Variants in CNTNAP2 observed in about 807,000 individuals in gnomAD.
The protein encoded by CNTNAP2 is contactin-associated protein-like 2.
In CNTNAP2, 98 loss-of-function variants were observed where a neutral mutation model predicts 155.2. That is an observed-to-expected ratio of 0.63 (90% confidence interval 0.54 to 0.75). The LOEUF is 0.75. Ranked by LOEUF, CNTNAP2 falls within the 30% of genes least tolerant of loss-of-function variation. The probability of loss-of-function intolerance (pLI) is 0.00; values close to 1 mark genes in which losing one functional copy is unlikely to be tolerated. For missense variants in CNTNAP2, 1,727 were observed against 1,688.1 expected, an observed-to-expected ratio of 1.02 and a Z score of -0.40; for synonymous variants, 651 against 631.2, an observed-to-expected ratio of 1.03 and a Z score of -0.47.
At chr7:147,046,210 C>T (rs573004268) in intron 4 of CNTNAP2, among the ~76,000 whole-genome samples, 1 of 152,134 alleles carries the variant, frequency 6.6e-6, no homozygotes, top group Non-Finnish European at 1.5e-5. Flanking sequence ...ACCTGACCGT[C>T]CACAGTTTAA....
intron 11 of CNTNAP2, among the ~76,000 whole-genome samples, chr7:147,556,114 A>G (rs1391141981): frequency 6.6e-6 from 1 of 152,156 alleles, no homozygotes; most frequent in Non-Finnish European, 1.5e-5. Flanking sequence ...TTCGTATTCT[A>G]CTGGTAGACA....
At chr7:147,676,220 TTTC>T (rs1157377618) in intron 13 of CNTNAP2, among the ~76,000 whole-genome samples, 1 of 152,022 alleles carries the variant, frequency 6.6e-6, no homozygotes, top group Non-Finnish European at 1.5e-5. Flanking sequence ...TGAAGAATGT[TTTC>T]TTATGGAATT....
intron 13 of CNTNAP2, among the ~76,000 whole-genome samples, chr7:147,841,412 A>C (rs923509409): frequency 1.3e-5 from 2 of 152,172 alleles, no homozygotes; most frequent in Non-Finnish European, 2.9e-5. Context: ...ATAAAATGTC[A>C]TGAGCACCTC....
chr7:146,413,358 G>T (rs780688598), intron 1 of CNTNAP2, among the ~76,000 whole-genome samples: 2 of 152,108 alleles, frequency 1.3e-5, no homozygotes, highest in South Asian at 4.1e-4. Context: ...GTGCTCTTCT[G>T]CAAGTCCCAA....
At chr7:148,184,778 T>G (rs1344214311) in intron 18 of CNTNAP2, among the ~76,000 whole-genome samples, 1 of 152,208 alleles carries the variant, frequency 6.6e-6, no homozygotes, top group African/African-American at 2.4e-5. Context: ...AATTTCAACA[T>G]TATTAAAAAC....
intron 3 of CNTNAP2, among the ~76,000 whole-genome samples, chr7:147,033,100 GTATT>G (rs1306175404): frequency 1.4e-5 from 2 of 142,806 alleles, no homozygotes; most frequent in African/African-American, 2.6e-5. Context: ...AAGACAAGAT[GTATT>G]TATTTGGGTA....
chr7:146,821,669 A>G lies in CNTNAP2; in HGVS notation c.209-18042A>G, dbSNP rs575963761. Among the ~76,000 whole-genome samples, 11 of 152,306 alleles carry G rather than the reference A, an allele frequency of 7.2e-5. No homozygotes were observed. The South Asian group carries it at 1.9e-3, about 26-fold the overall frequency. ...ATCAAAAAGTGGGCGAAGGATGTGAACAGACACTTCTCAAAAGAAGACATT... is the reference window on the plus strand; with the variant it reads ...ATCAAAAAGTGGGCGAAGGATGTGAGCAGACACTTCTCAAAAGAAGACATT... On this transcript the variant is annotated intron_variant, in intron 2 of 23. Coordinates refer to ENST00000361727, the MANE Select transcript of CNTNAP2 (RefSeq NM_014141.6).
intron 21 of CNTNAP2, among the ~76,000 whole-genome samples, chr7:148,272,689 G>A (rs578212999): frequency 6.6e-6 from 1 of 152,264 alleles, no homozygotes; most frequent in East Asian, 1.9e-4. Context: ...GAGACCCCCA[G>A]CATCATGAAA....
At chr7:147,163,037 T>C (rs1802058018) in intron 8 of CNTNAP2, among the ~76,000 whole-genome samples, 1 of 152,076 alleles carries the variant, frequency 6.6e-6, no homozygotes, top group African/African-American at 2.4e-5. Context: ...CTCACAAGTG[T>C]GAGCCTCTGT....
At chr7:147,193,592 G>C (rs1802723541) in intron 8 of CNTNAP2, among the ~76,000 whole-genome samples, 1 of 152,140 alleles carries the variant, frequency 6.6e-6, no homozygotes, top group Non-Finnish European at 1.5e-5. Flanking sequence ...GGAACATGGA[G>C]ACTATATGAG....
At chr7:146,693,655 T>A (rs982448396) in intron 1 of CNTNAP2, among the ~76,000 whole-genome samples, 40 of 152,130 alleles carry the variant, frequency 2.6e-4, no homozygotes, top group African/African-American at 9.7e-4. Flanking sequence ...TTACTGACAT[T>A]AGTATTTTTA....
intron 17 of CNTNAP2, among the ~76,000 whole-genome samples, chr7:148,163,085 C>T (rs1289328288): frequency 6.6e-6 from 1 of 152,100 alleles, no homozygotes; most frequent in Non-Finnish European, 1.5e-5. Context: ...ATTTTGTATA[C>T]CTAAGTACAA....
At chr7:147,517,706 G>A (rs1348256645) in intron 11 of CNTNAP2, among the ~76,000 whole-genome samples, 1 of 152,084 alleles carries the variant, frequency 6.6e-6, no homozygotes, top group African/African-American at 2.4e-5. Context: ...ATTTGGCATT[G>A]GTTGTTGTTT....
chr7:147,743,720 T>C (rs79354636), intron 13 of CNTNAP2, among the ~76,000 whole-genome samples: 4,896 of 151,790 alleles, frequency 0.032, 254 homozygotes, highest in African/African-American at 0.11. Flanking sequence ...TCTGAGCAGC[T>C]AGACTGACCT....
chr7:146,939,952 C>G (rs974348110), intron 3 of CNTNAP2, among the ~76,000 whole-genome samples: 2 of 151,996 alleles, frequency 1.3e-5, no homozygotes, highest in East Asian at 1.9e-4. Context: ...TTGCCAAAGT[C>G]TCACCGGACT....
intron 1 of CNTNAP2, among the ~76,000 whole-genome samples, chr7:146,202,238 T>C (rs1412332117): frequency 6.6e-6 from 1 of 152,146 alleles, no homozygotes; most frequent in African/African-American, 2.4e-5. Context: ...AATACACCAG[T>C]AACAGTGTAG....
intron 3 of CNTNAP2, among the ~76,000 whole-genome samples, chr7:147,005,809 T>C (rs1026189999): frequency 6.6e-6 from 1 of 152,034 alleles, no homozygotes; most frequent in African/African-American, 2.4e-5. Flanking sequence ...AAAGAGTAAC[T>C]TCTACTTCAT....
intron 20 of CNTNAP2, among the ~76,000 whole-genome samples, chr7:148,231,442 G>C (rs1244087683): frequency 6.6e-6 from 1 of 152,156 alleles, no homozygotes; most frequent in African/African-American, 2.4e-5. Context: ...TAGAATTATA[G>C]AATTTGAAAA....
chr7:146,319,997 C>T (rs1261907399), intron 1 of CNTNAP2, among the ~76,000 whole-genome samples: 1 of 149,272 alleles, frequency 6.7e-6, no homozygotes, highest in South Asian at 2.1e-4. Flanking sequence ...TAACTGTCGC[C>T]CCCCCCACCC....
Sources: allele counts gnomAD v4.1 joint callset (sites outside exome capture counted in the v4.1 genomes callset), GRCh38; gene constraint gnomAD v4.1.1; transcripts MANE v1.5; gene names NCBI Gene and HGNC (gene_info 2026-07-23, HGNC 2026-07-21).